Variants in LRP1 observed in about 807,000 individuals in gnomAD.
LRP1 encodes prolow-density lipoprotein receptor-related protein 1.
Under a neutral mutation model 541.5 loss-of-function variants are expected in LRP1, and 51 were observed. The ratio of observed to expected loss-of-function variants is 0.09; its 90% CI spans 0.08 to 0.12. The LOEUF (loss-of-function observed/expected upper bound fraction) is 0.12. LRP1 is among the 10% of genes least tolerant of loss of function. The probability of loss-of-function intolerance (pLI) is 1.00; values close to 1 mark genes in which losing one functional copy is unlikely to be tolerated. For missense variants in LRP1, 3,878 were observed against 6,376.2 expected (o/e 0.61, Z 13.34); for synonymous variants, 2,219 against 2,470.8 (o/e 0.90, Z 3.02).
rs982161185 is a variant in LRP1 at position 57,178,491 on chromosome 12, A to T, written c.4494A>T (p.Thr1498=). ...GGEVYWTDWR[T]NTLAKANKWT... is the part of the protein sequence containing the mutation. Reference sequence around the variant, plus strand: ...AGGTCTACTGGACTGACTGGCGAACAAACACACTGGCTAAGGCCAACAAGT... The same window carrying T: ...AGGTCTACTGGACTGACTGGCGAACTAACACACTGGCTAAGGCCAACAAGT... Residue 1498 remains threonine, a synonymous_variant, in exon 27 of 89, where the codon ACA becomes ACT. Transcript: ENST00000243077. This position sits in a 1 kb window ranked among gnomAD's most constrained non-coding sequence, Gnocchi z 5.8. The T allele has an allele frequency of 1.2e-6, 2 of 1,614,116 alleles. No individual in the cohort carries two copies. The highest frequency in any genetic ancestry group is 1.3e-5 in the African/African-American group (1 of 74,948).
Position 57,162,462 on chromosome 12 carries a change from G to T in LRP1, c.2348G>T (p.Arg783Leu). The T allele has an allele frequency of 6.2e-7, 1 of 1,614,100 alleles. No homozygotes were observed. The highest frequency in any genetic ancestry group is 8.5e-7 in the Non-Finnish European group (1 of 1,180,018). ...GGAPPTVTLL[R>L]SERPPIFEIR... ...GCACCCCCCACTGTGACCCTTCTGC[G>T]CAGTGAGCGGCCCCCCATCTTTGAG... Residue 783 changes from arginine to leucine, a missense_variant, in exon 14 of 89, where the codon CGC becomes CTC. Physicochemically the swap from Arg to Leu is moderately radical, Grantham distance 102. This residue lies in a region of LRP1 where 496 missense variants were observed against 861.0 expected (regional missense o/e 0.58). Coordinates refer to ENST00000243077, the MANE Select transcript of LRP1 (RefSeq NM_002332.3). The surrounding 1 kb of genome is among the most constrained non-coding windows in gnomAD (Gnocchi z 5.2).
At position 57,201,556 on chromosome 12, in the gene LRP1, C is replaced by A. The variant is rs763954123; in HGVS notation, c.10405C>A (p.Arg3469=). Residue 3469 remains arginine, a synonymous_variant, in exon 66 of 89, where the codon CGG becomes AGG. Coordinates refer to ENST00000243077, the MANE Select transcript of LRP1 (RefSeq NM_002332.3). This position sits in a 1 kb window ranked among gnomAD's most constrained non-coding sequence, Gnocchi z 6.4. ...QCSITKRCIP[R]VWVCDRDNDC... is the part of the protein sequence containing the mutation. Reference sequence around the variant, plus strand: ...CTCCATTACCAAACGGTGCATCCCCCGGGTCTGGGTCTGCGACCGGGACAA... The same window carrying A: ...CTCCATTACCAAACGGTGCATCCCCAGGGTCTGGGTCTGCGACCGGGACAA... 8.1e-6 allele frequency: 13 copies of A among 1,614,094 alleles called. No individual in the cohort carries two copies. The highest frequency in any genetic ancestry group is 1.1e-5 in the Non-Finnish European group (13 of 1,180,004).
intron 8 of LRP1, chr12:57,155,117 T>C (rs2035594476): frequency 7.4e-6 from 3 of 402,736 alleles, no homozygotes; most frequent in East Asian, 4.8e-5. Flanking sequence ...ATCTCCATTG[T>C]GGGATAATTA....
At chr12:57,135,741 G>A (rs11172115) in intron 1 of LRP1, among the ~76,000 whole-genome samples, 5 of 152,182 alleles carry the variant, frequency 3.3e-5, no homozygotes, top group African/African-American at 1.2e-4. Flanking sequence ...CCCTGCAAGA[G>A]CACATCTGGT....
At chr12:57,188,310 A>G (rs2036309444) in intron 42 of LRP1, among the ~76,000 whole-genome samples, 1 of 152,150 alleles carries the variant, frequency 6.6e-6, no homozygotes, top group Admixed American at 6.5e-5. Context: ...TTTTTTCCCA[A>G]TTCAGCAGTG....
Position 57,204,184 on chromosome 12 carries a change from T to G in LRP1, c.10952-226T>G. 1 of 458,118 alleles carries G rather than the reference T, an allele frequency of 2.2e-6. No individual in the cohort carries two copies. The highest frequency in any genetic ancestry group is 3.8e-6 in the Non-Finnish European group (1 of 260,086). 28.4% of individuals were successfully genotyped at this position (458,118 alleles called of 1,614,324 possible). A position where few individuals can be genotyped will look rare whatever the true frequency, so the allele number is the denominator to read the frequency against. ...GCCCTGCCACATACCAGAGAAGGAG[T>G]GCCCTCTGAACTCCTCCAGACACCC... On this transcript the variant is annotated intron_variant, in intron 70 of 88. Transcript: ENST00000243077. This position sits in a 1 kb window ranked among gnomAD's most constrained non-coding sequence, Gnocchi z 5.3.
chr12:57,137,966 G>T (rs902874741), intron 1 of LRP1, among the ~76,000 whole-genome samples: 11 of 152,166 alleles, frequency 7.2e-5, no homozygotes, highest in Admixed American at 2.0e-4. Flanking sequence ...ATTAGGGGTT[G>T]GGAAGGATGG....
rs1437274121 is a variant in LRP1 at position 57,156,174 on chromosome 12, G to A, written c.1308G>A (p.Lys436=). 1.9e-6 allele frequency: 3 copies of A among 1,613,946 alleles called. No homozygotes were observed. The African/African-American group carries it at 4.0e-5, about 22-fold the overall frequency. The change falls in exon 9 of 89, where the codon AAG becomes AAA. Residue 436 remains lysine (K), a synonymous_variant. Coordinates refer to ENST00000243077, the MANE Select transcript of LRP1 (RefSeq NM_002332.3). This position sits in a 1 kb window ranked among gnomAD's most constrained non-coding sequence, Gnocchi z 5.2. ...TNSDNANAQQ[K]TSVIRVNRFN... is the part of the protein sequence containing the mutation. ...CGGACAATGCCAATGCCCAGCAGAA[G>A]ACGAGTGTGATCCGTGTGAACCGCT...
In LRP1 at chr12:57,205,384, G is replaced by A; in HGVS notation, c.11369G>A (p.Ser3790Asn). The A allele has an allele frequency of 2.5e-6, 4 of 1,608,802 alleles. No homozygotes were observed. The highest frequency in any genetic ancestry group is 3.4e-6 in the Non-Finnish European group (4 of 1,179,320). The change falls in exon 74 of 89, where the codon AGC becomes AAC. Residue 3790 changes from serine (S) to asparagine (N), a missense_variant. Transcript: ENST00000243077. The surrounding 1 kb of genome is among the most constrained non-coding windows in gnomAD (Gnocchi z 4.6). ...PKLTSCATNA[S>N]ICGDEARCVR... The stretch of plus-strand genomic sequence containing the variant: ...CTGACCAGCTGCGCCACCAATGCCA[G>A]CATCTGTGGGGACGAGGCACGCTGC...
In LRP1 at chr12:57,206,525, G is replaced by A. The variant is rs1191753778; in HGVS notation, c.11643G>A (p.Leu3881=). ...YIADDNEIRS[L]FPGHPHSAYE... ...CTGATGACAATGAGATCCGCAGCCT[G>A]TTCCCCGGCCACCCCCATTCGGCTT... Residue 3881 remains leucine (L), a synonymous_variant, in exon 76 of 89, where the codon CTG becomes CTA. Coordinates refer to ENST00000243077, the MANE Select transcript of LRP1 (RefSeq NM_002332.3). The surrounding 1 kb of genome is among the most constrained non-coding windows in gnomAD (Gnocchi z 4.7). 1.2e-6 allele frequency: 2 copies of A among 1,614,030 alleles called. No homozygotes were observed. Among genetic ancestry groups the A allele is most frequent in the African/African-American group, 1.3e-5 (1 of 74,918 alleles).
rs2036231245 is a variant in LRP1, at chr12:57,184,559, C to T, written c.6186+107C>T. The stretch of plus-strand genomic sequence containing the variant: ...AGGACTTGGAGCCCAGGGGAAGTCA[C>T]AGGGTCTCCCAGCCCAGCCCTCCAC... On this transcript the variant is annotated intron_variant, in intron 38 of 88. Coordinates refer to ENST00000243077, the MANE Select transcript of LRP1 (RefSeq NM_002332.3). This position sits in a 1 kb window ranked among gnomAD's most constrained non-coding sequence, Gnocchi z 7.8. 1.4e-6 allele frequency: 2 copies of T among 1,463,014 alleles called. No homozygotes were observed. Among genetic ancestry groups the T allele is most frequent in the East Asian group, 2.4e-5 (1 of 41,262 alleles). 90.6% of individuals were successfully genotyped at this position (1,463,014 alleles called of 1,614,324 possible). A position where few individuals can be genotyped will look rare whatever the true frequency, so the allele number is the denominator to read the frequency against.
At chr12:57,130,108 A>G (rs895708813) in intron 1 of LRP1, among the ~76,000 whole-genome samples, 11 of 151,908 alleles carry the variant, frequency 7.2e-5, no homozygotes, top group African/African-American at 2.7e-4. Flanking sequence ...CCCAAGCTTT[A>G]AGCATTAAGC....
chr12:57,167,405 T>C, intron 18 of LRP1, 39 bp from the exon 19 acceptor site: 1 of 1,416,812 alleles, frequency 7.1e-7, no homozygotes, highest in South Asian at 1.1e-5. Context: ...TGCTGTGTAA[T>C]CGTGAAGGCC....
Position 57,136,395 on chromosome 12 carries a change from G to GCCCCCCCCCCCCC in LRP1, c.68-2052_68-2051insCCCCCCCCCCCCC, listed in dbSNP as rs35376308. On this transcript the variant is annotated intron_variant, in intron 1 of 88. Transcript: ENST00000243077. ...CCATCAGACTCCCTCCCTCCTAAGA[G>GCCCCCCCCCCCCC]CCCCCCCCCCCCGCCATTTTCCTTA... Among the ~76,000 whole-genome samples, 9 of 99,104 alleles carry GCCCCCCCCCCCCC rather than the reference G, an allele frequency of 9.1e-5. 1 individual carries two copies. The highest frequency in any genetic ancestry group is 3.9e-4 in the Admixed American group (3 of 7,596). The allele number at this position is 99,104 out of a possible 152,430, so 65.0% of individuals were successfully genotyped here. A position where few individuals can be genotyped will look rare whatever the true frequency, so the allele number is the denominator to read the frequency against.
At position 57,176,233 on chromosome 12, in the gene LRP1, T is replaced by C. The variant is rs557064721; in HGVS notation, c.3991+127T>C. On this transcript the variant is annotated intron_variant, in intron 24 of 88. Coordinates refer to ENST00000243077, the MANE Select transcript of LRP1 (RefSeq NM_002332.3). ...CCCCCATCCCCCACACTTCTGTTCA[T>C]TGGGTTAGATTTTGCTGTGGGTCTC... 68 of 851,994 alleles carry C rather than the reference T, an allele frequency of 8.0e-5. No homozygotes were observed. The South Asian group carries it at 8.4e-4, about 11-fold the overall frequency. The allele number at this position is 851,994 out of a possible 1,614,324, so 52.8% of individuals were successfully genotyped here.
intron 47 of LRP1, 89 bp from the exon 48 acceptor site, chr12:57,193,810 G>C: frequency 1.3e-6 from 2 of 1,593,464 alleles, no homozygotes; most frequent in Non-Finnish European, 1.7e-6. Context: ...GCCAGGGCAG[G>C]TGCTGTGGGC....
rs1183185315 is a variant in LRP1, at chr12:57,180,157, C to T, written c.5236+16C>T. 1 of 1,609,974 alleles carries T rather than the reference C, an allele frequency of 6.2e-7. No individual in the cohort carries two copies. On this transcript the variant is annotated intron_variant, in intron 31 of 88. Coordinates refer to ENST00000243077, the MANE Select transcript of LRP1 (RefSeq NM_002332.3). ...GGCCCCGTGGGTACGAGCTTCCCTG[C>T]CCACCCCCACAGCCCCTCCCTAATT...
At chr12:57,175,787 A>G in intron 23 of LRP1, 82 bp downstream of exon 23, 17 of 1,551,188 alleles carry the variant, frequency 1.1e-5, no homozygotes, top group South Asian at 6.2e-5. Flanking sequence ...GCCAGGTGCC[A>G]AAGGCTGAGT....
At chr12:57,141,560 T>A in intron 3 of LRP1, 49 bp downstream of exon 3, 1 of 1,611,684 alleles carries the variant, frequency 6.2e-7, no homozygotes. Flanking sequence ...CAGCATATTA[T>A]CAGCCCACCT....
Sources: gnomAD v4.1 joint callset for allele counts (sites outside exome capture counted in the v4.1 genomes callset) on GRCh38, gnomAD v4.1.1 for gene constraint, gnomAD v4.1.1 regional missense constraint, Gnocchi (gnomAD v3.1) non-coding constraint, MANE v1.5 for transcripts, NCBI Gene and HGNC (gene_info 2026-07-23, HGNC 2026-07-21) for gene names.